Variants in TRAF1 observed in about 807,000 individuals in gnomAD.
TRAF1 encodes the protein TNF receptor-associated factor 1.
A neutral mutation model predicts 40.9 loss-of-function variants in TRAF1; 23 were observed. The ratio of observed to expected loss-of-function variants is 0.56; its 90% CI spans 0.40 to 0.80. TRAF1 has a LOEUF of 0.80. Among genes scored for constraint, TRAF1 ranks in the 30% least tolerant of loss-of-function variants. TRAF1 has a pLI of 0.00. For synonymous variants in TRAF1, 206 were observed against 218.8 expected (o/e 0.94, Z 0.52); for missense variants, 477 against 528.7 (o/e 0.90, Z 0.96).
intron 2 of TRAF1, among the ~76,000 whole-genome samples, chr9:120,924,706 C>A (rs1588153989): frequency 6.6e-6 from 1 of 152,210 alleles, no homozygotes; most frequent in Non-Finnish European, 1.5e-5. Context: ...TGAGCCACTG[C>A]GCCTGGCCAG....
chr9:120,914,304 G>C lies in TRAF1; in HGVS notation c.229-4C>G. 6.6e-7 allele frequency: 1 copy of C among 1,509,588 alleles called. No homozygotes were observed. The highest frequency in any genetic ancestry group is 8.9e-7 in the Non-Finnish European group (1 of 1,117,428). The allele number at this position is 1,509,588 out of a possible 1,614,324, so 93.5% of individuals were successfully genotyped here. A position where few individuals can be genotyped will look rare whatever the true frequency, so the allele number is the denominator to read the frequency against. On this transcript the variant is annotated splice_region_variant and splice_polypyrimidine_tract_variant and intron_variant, in intron 3 of 7. Transcript: ENST00000373887. Reference sequence around the variant, plus strand: ...CCTCAGCCACCTCGGGGTGAGCCTGGAAATAATAATCACATCACTGAATGT... The same window carrying C: ...CCTCAGCCACCTCGGGGTGAGCCTGCAAATAATAATCACATCACTGAATGT...
intron 3 of TRAF1, 173 bp from the exon 4 acceptor site, chr9:120,914,473 A>G (rs962900389): frequency 8.2e-7 from 1 of 1,221,986 alleles, no homozygotes; most frequent in Non-Finnish European, 1.0e-6. Flanking sequence ...CCACCCTTCC[A>G]TGACCTTCCT....
In TRAF1 at chr9:120,902,486, G is replaced by A. The variant is rs543665094; in HGVS notation, c.*2534C>T. 2 of 143,088 alleles carry A rather than the reference G, an allele frequency of 1.4e-5. No individual in the cohort carries two copies. Among genetic ancestry groups the A allele is most frequent in the South Asian group, 4.5e-4 (2 of 4,438 alleles). The allele number at this position is 143,088 out of a possible 1,614,324, so 8.9% of individuals were successfully genotyped here. A position where few individuals can be genotyped will look rare whatever the true frequency, so the allele number is the denominator to read the frequency against. On this transcript the variant is annotated 3_prime_UTR_variant, in exon 8 of 8. Coordinates refer to ENST00000373887, the MANE Select transcript of TRAF1 (RefSeq NM_005658.5). The stretch of plus-strand genomic sequence containing the variant: ...TTCAATAGGCCCAGGGTTACCAGCA[G>A]GTGCTCTGTGGGCAGGGCGGGGGGT...
At chr9:120,915,887 T>C (rs904145869) in intron 3 of TRAF1, among the ~76,000 whole-genome samples, 4 of 152,220 alleles carry the variant, frequency 2.6e-5, no homozygotes, top group Non-Finnish European at 4.4e-5. Flanking sequence ...AAGTATCTTA[T>C]AAAGTTAAAT....
chr9:120,912,066 G>A (rs1027740733), intron 5 of TRAF1, among the ~76,000 whole-genome samples: 6 of 152,188 alleles, frequency 3.9e-5, no homozygotes, highest in African/African-American at 1.4e-4. Context: ...AAAATGGAAA[G>A]AATATAAATT....
chr9:120,912,529 C>T (rs538787319), intron 5 of TRAF1, among the ~76,000 whole-genome samples: 251 of 152,036 alleles, frequency 1.7e-3, no homozygotes, highest in African/African-American at 5.7e-3. Context: ...TGGTGGCACA[C>T]GCCTGTAATC....
rs1395486600 is a variant in TRAF1, at chr9:120,911,199, T to C, written c.883+137A>G. On this transcript the variant is annotated intron_variant, in intron 6 of 7. Transcript: ENST00000373887. ...ATCCCAGCATGGTTCCTGCCCATGG[T>C]GAGTGGCCTGAATGGGCACTGGCCT... The C allele has an allele frequency of 4.1e-6, 4 of 983,588 alleles. No homozygotes were observed. In the African/African-American group the frequency reaches 6.6e-5, roughly 16 times the overall value. The allele number at this position is 983,588 out of a possible 1,614,324, so 60.9% of individuals were successfully genotyped here.
At chr9:120,906,101 C>T (rs2046479594) in intron 7 of TRAF1, among the ~76,000 whole-genome samples, 1 of 152,150 alleles carries the variant, frequency 6.6e-6, no homozygotes, top group Admixed American at 6.6e-5. Flanking sequence ...TGACACCCTC[C>T]CCTCATGCAA....
At chr9:120,911,637 C>T (rs1355971923) in intron 5 of TRAF1, 124 bp from the exon 6 acceptor site, 17 of 1,132,506 alleles carry the variant, frequency 1.5e-5, no homozygotes, top group Middle Eastern at 3.0e-4. Context: ...CTCAGGTGTG[C>T]GTCTGCATCT....
In TRAF1 at chr9:120,904,957, G is replaced by A. The variant is rs1230000665; in HGVS notation, c.*63C>T. ...CTGAGGTCTTGGGTGCCAAGGGCAG[G>A]GCATCACAGTCCTCTGGCTAGCTCC... is the stretch of plus-strand genomic sequence containing the variant. On this transcript the variant is annotated 3_prime_UTR_variant, in exon 8 of 8. Transcript: ENST00000373887. 1 of 1,507,366 alleles carries A rather than the reference G, an allele frequency of 6.6e-7. No homozygotes were observed. Among genetic ancestry groups the A allele is most frequent in the Non-Finnish European group, 9.0e-7 (1 of 1,106,300 alleles). The allele number at this position is 1,507,366 out of a possible 1,614,324, so 93.4% of individuals were successfully genotyped here. A position where few individuals can be genotyped will look rare whatever the true frequency, so the allele number is the denominator to read the frequency against.
Position 120,913,533 on chromosome 9 carries a change from G to T in TRAF1, c.500C>A (p.Ala167Glu). 6.2e-7 allele frequency: 1 copy of T among 1,613,804 alleles called. No homozygotes were observed. The highest frequency in any genetic ancestry group is 1.1e-5 in the South Asian group (1 of 91,074). ...AGDLEVDCYR[A>E]PCSESQEELA... ...CTCCTCCTGGCTCTCGGAGCAGGGT[G>T]CCCGGTAGCAATCGACCTCCAGGTC... Residue 167 changes from alanine (A) to glutamate (E), a missense_variant, in exon 5 of 8, where the codon GCA becomes GAA. By Grantham distance (107) the Ala-to-Glu change is moderately radical (BLOSUM62 -1). Coordinates refer to ENST00000373887, the MANE Select transcript of TRAF1 (RefSeq NM_005658.5).
In TRAF1 at chr9:120,911,268, T is replaced by G. The variant is rs533207713; in HGVS notation, c.883+68A>C. On this transcript the variant is annotated intron_variant, in intron 6 of 7. Transcript: ENST00000373887. ...CTGTCACAGAGCTGGCAGTTTTCAC[T>G]GCTTGCTTCCTGGGTCCTGTGGGGC... 833 of 1,542,366 alleles carry G rather than the reference T, an allele frequency of 5.4e-4. 8 individuals carry two copies. The South Asian group carries it at 9.7e-3, about 18-fold the overall frequency.
chr9:120,911,288 T>C, intron 6 of TRAF1, 48 bp downstream of exon 6: 2 of 1,589,514 alleles, frequency 1.3e-6, no homozygotes, highest in Non-Finnish European at 1.7e-6. Flanking sequence ...CTGGGTCCTG[T>C]GGGGCCTGTT....
intron 6 of TRAF1, among the ~76,000 whole-genome samples, chr9:120,910,836 G>C (rs2131622196): frequency 6.6e-6 from 1 of 152,350 alleles, no homozygotes; most frequent in East Asian, 1.9e-4. Context: ...TAAGAACTGA[G>C]TAAGACACTC....
intron 7 of TRAF1, among the ~76,000 whole-genome samples, chr9:120,905,921 G>T (rs10435844): frequency 0.69 from 104,384 of 152,062 alleles, 36,120 homozygotes; most frequent in South Asian, 0.82. Context: ...TCATCCTGAT[G>T]CTCAGGCCTT....
chr9:120,926,008 G>A lies in TRAF1; in HGVS notation c.68C>T (p.Pro23Leu), dbSNP rs1327627384. 16 of 1,613,102 alleles carry A rather than the reference G, an allele frequency of 9.9e-6. No homozygotes were observed. The highest frequency in any genetic ancestry group is 1.4e-5 in the Non-Finnish European group (16 of 1,179,572). Residue 23 changes from proline to leucine, a missense_variant, in exon 2 of 8, where the codon CCT becomes CTT. Transcript: ENST00000373887. ...CTTTGGGTCCTGGCAGACGGTGGGA[G>A]GGCACCCAAAGGGAAACTCATTCTC... is the stretch of plus-strand genomic sequence containing the variant. ...PDENEFPFGC[P>L]PTVCQDPKEP...
Position 120,909,336 on chromosome 9 carries a change from A to G in TRAF1, c.926T>C (p.Leu309Pro). ...TCCAGTGCCATCTCCATTCAGGTAC[A>G]GCCGCAGGCACAACTTGTAGCCATA... is the stretch of plus-strand genomic sequence containing the variant. ...AKYGYKLCLR[L>P]YLNGDGTGKR... The change falls in exon 7 of 8, where the codon CTG becomes CCG. Residue 309 changes from leucine to proline, a missense_variant. Transcript: ENST00000373887. The G allele has an allele frequency of 6.2e-7, 1 of 1,614,220 alleles. No individual in the cohort carries two copies. The highest frequency in any genetic ancestry group is 1.1e-5 in the South Asian group (1 of 91,090).
At chr9:120,913,172 C>T (rs1050424793) in intron 5 of TRAF1, among the ~76,000 whole-genome samples, 156 bp downstream of exon 5, 2 of 152,202 alleles carry the variant, frequency 1.3e-5, no homozygotes, top group Non-Finnish European at 2.9e-5. Context: ...TCTAACTCAG[C>T]GCTCTTCCTG....
At chr9:120,924,780 T>C in intron 2 of TRAF1, among the ~76,000 whole-genome samples, 1 of 152,192 alleles carries the variant, frequency 6.6e-6, no homozygotes, top group East Asian at 1.9e-4. Flanking sequence ...ATAGTCTATT[T>C]TACAAGTGAG....
Sources: gnomAD v4.1 joint callset for allele counts (sites outside exome capture counted in the v4.1 genomes callset) on GRCh38, gnomAD v4.1.1 for gene constraint, MANE v1.5 for transcripts, NCBI Gene and HGNC (gene_info 2026-07-23, HGNC 2026-07-21) for gene names.